Variants in FYB2 observed in about 807,000 individuals in gnomAD.
FYB2 encodes FYN binding protein 2, also known as FYN-binding protein 2.
Under a neutral mutation model 94.1 loss-of-function variants are expected in FYB2, and 103 were observed. The ratio of observed to expected loss-of-function variants is 1.09; its 90% CI spans 0.93 to 1.29. The LOEUF (loss-of-function observed/expected upper bound fraction) is 1.29. Ranked by LOEUF, FYB2 falls within the 50% of genes most tolerant of loss-of-function variation. The probability of loss-of-function intolerance (pLI) is 0.00; values close to 1 mark genes in which losing one functional copy is unlikely to be tolerated. For synonymous variants in FYB2, 293 were observed against 287.9 expected (o/e 1.02, Z -0.18); for missense variants, 896 against 841.5 (o/e 1.06, Z -0.80).
rs770951162 is a variant in FYB2 at position 56,789,120 on chromosome 1, C to T, written c.772G>A (p.Val258Ile). The T allele has an allele frequency of 3.2e-6, 5 of 1,585,608 alleles. No homozygotes were observed. The highest frequency in any genetic ancestry group is 4.3e-6 in the Non-Finnish European group (5 of 1,167,914). Residue 258 changes from valine to isoleucine, a missense_variant, in exon 3 of 20, where the codon GTC becomes ATC. By Grantham distance (29) the Val-to-Ile change is conservative. Coordinates refer to ENST00000343433, the MANE Select transcript of FYB2 (RefSeq NM_001004303.5). The part of the protein sequence containing the change: ...ASQAPEKQPD[V>I]RHHHLPKTKP... ...GTTTTGGGAAGGTGGTGATGCCTGA[C>T]ATCTGGCTGTTTTTCTGAACACAAG...
At chr1:56,779,219 G>C (rs957792770) in intron 4 of FYB2, among the ~76,000 whole-genome samples, 2 of 152,110 alleles carry the variant, frequency 1.3e-5, no homozygotes, top group Non-Finnish European at 2.9e-5. Context: ...CCTGGGAAAA[G>C]TACAACATTT....
chr1:56,738,687 GA>G (rs777420591), intron 13 of FYB2, 34 bp from the exon 14 acceptor site: 6 of 1,601,256 alleles, frequency 3.7e-6, no homozygotes, highest in African/African-American at 1.3e-5. Context: ...AAGAGTTAAG[GA>G]AAAAAACCAT....
chr1:56,791,478 A>G (rs906438086), intron 2 of FYB2, among the ~76,000 whole-genome samples: 1 of 151,766 alleles, frequency 6.6e-6, no homozygotes, highest in Non-Finnish European at 1.5e-5. Flanking sequence ...CTGGTTTTGA[A>G]CTCCTGAACT....
At chr1:56,772,139 G>A (rs1325291900) in intron 4 of FYB2, among the ~76,000 whole-genome samples, 1 of 152,004 alleles carries the variant, frequency 6.6e-6, no homozygotes. Flanking sequence ...ATGCCATAGA[G>A]CTCATGCTTC....
At chr1:56,791,007 G>C (rs560092902) in intron 2 of FYB2, among the ~76,000 whole-genome samples, 25 of 152,178 alleles carry the variant, frequency 1.6e-4, no homozygotes, top group Admixed American at 1.4e-3. Flanking sequence ...CAGAGAGCTC[G>C]GGGAAGACAG....
chr1:56,719,491 A>T lies in FYB2; in HGVS notation c.*180T>A. The T allele has an allele frequency of 1.8e-6, 1 of 562,002 alleles. No individual in the cohort carries two copies. Among genetic ancestry groups the T allele is most frequent in the Non-Finnish European group, 3.1e-6 (1 of 323,982 alleles). The allele number at this position is 562,002 out of a possible 1,614,324, so 34.8% of individuals were successfully genotyped here. A position where few individuals can be genotyped will look rare whatever the true frequency, so the allele number is the denominator to read the frequency against. ...TGAAAGATAACCTTTTAGGAGTAAA[A>T]CCAACATCTAAATGTTGAGGATTTG... On this transcript the variant is annotated 3_prime_UTR_variant, in exon 20 of 20. Transcript: ENST00000343433.
At chr1:56,749,356 T>A (rs1422691932) in intron 9 of FYB2, among the ~76,000 whole-genome samples, 2 of 151,928 alleles carry the variant, frequency 1.3e-5, no homozygotes, top group South Asian at 4.1e-4. Context: ...CACTTTACCT[T>A]CCATGACTTT....
chr1:56,784,933 C>T (rs1212064777), intron 4 of FYB2, among the ~76,000 whole-genome samples: 1 of 152,210 alleles, frequency 6.6e-6, no homozygotes, highest in East Asian at 1.9e-4. Context: ...AGGCCCAGTT[C>T]TTTCATCTCC....
At chr1:56,769,688 A>G (rs1645709386) in intron 4 of FYB2, among the ~76,000 whole-genome samples, 1 of 152,168 alleles carries the variant, frequency 6.6e-6, no homozygotes, top group Non-Finnish European at 1.5e-5. Flanking sequence ...CTACTAAAAA[A>G]ATAGAAATAG....
At chr1:56,739,013 G>A (rs1644891730) in intron 13 of FYB2, among the ~76,000 whole-genome samples, 1 of 152,034 alleles carries the variant, frequency 6.6e-6, no homozygotes, top group Non-Finnish European at 1.5e-5. Context: ...TTCAAAGCAT[G>A]GAGGCATGAG....
In FYB2 at chr1:56,723,204, GACACAC is replaced by G. The variant is rs57903838; in HGVS notation, c.1974+378_1974+383del. ...TCAAGAGATTAATTAAAGATTCACA[GACACAC>G]ACACACACACACACGCACACACACA... On this transcript the variant is annotated intron_variant, in intron 17 of 19. Coordinates refer to ENST00000343433, the MANE Select transcript of FYB2 (RefSeq NM_001004303.5). Among the ~76,000 whole-genome samples the G allele has an allele frequency of 6.3e-3, 941 of 149,404 alleles. 11 individuals carry two copies. Among genetic ancestry groups the G allele is most frequent in the African/African-American group, 0.022 (888 of 40,896 alleles).
chr1:56,789,301 C>T (rs1289310834), intron 2 of FYB2, among the ~76,000 whole-genome samples, 167 bp from the exon 3 acceptor site: 4 of 152,192 alleles, frequency 2.6e-5, no homozygotes, highest in Admixed American at 2.0e-4. Context: ...CATGCTGCTG[C>T]TTTAAGGATT....
chr1:56,792,275 C>A lies in FYB2; in HGVS notation c.538G>T (p.Glu180Ter), dbSNP rs1385353910. ...EGQKGMGLTP[E>*]EPRKKLETKG... ...GTTTCCAGCTTTTTCCTGGGTTCCT[C>A]TGGAGTAAGCCCCATGCCTTTTTGC... The change falls in exon 2 of 20, where the codon GAG becomes TAG. Residue 180 changes from glutamate (E) to a stop codon, truncating the protein, a stop_gained. Coordinates refer to ENST00000343433, the MANE Select transcript of FYB2 (RefSeq NM_001004303.5). LOFTEE classifies it high-confidence loss of function. The A allele has an allele frequency of 6.2e-7, 1 of 1,613,640 alleles. No homozygotes were observed. The highest frequency in any genetic ancestry group is 2.2e-5 in the East Asian group (1 of 44,894).
chr1:56,771,595 G>A (rs1645756071), intron 4 of FYB2, among the ~76,000 whole-genome samples: 1 of 152,192 alleles, frequency 6.6e-6, no homozygotes, highest in Non-Finnish European at 1.5e-5. Flanking sequence ...TATAGATGCA[G>A]TTGAAGGGGA....
At chr1:56,754,452 C>G (rs977175163) in intron 7 of FYB2, among the ~76,000 whole-genome samples, 5 of 152,112 alleles carry the variant, frequency 3.3e-5, no homozygotes, top group Admixed American at 1.3e-4. Flanking sequence ...CATACCTTCT[C>G]TACTCTTCTA....
intron 9 of FYB2, among the ~76,000 whole-genome samples, chr1:56,749,967 T>C (rs1283076751): frequency 6.6e-6 from 1 of 152,058 alleles, no homozygotes; most frequent in Non-Finnish European, 1.5e-5. Context: ...GAGTCATTCA[T>C]ATTGCCTAGT....
chr1:56,735,274 A>C (rs910717589), intron 15 of FYB2, among the ~76,000 whole-genome samples: 2 of 152,166 alleles, frequency 1.3e-5, no homozygotes, highest in Non-Finnish European at 2.9e-5. Flanking sequence ...AGCACTATTC[A>C]GCCATAAAAA....
At chr1:56,805,684 G>A (rs1371105856) in intron 1 of FYB2, among the ~76,000 whole-genome samples, 2 of 152,060 alleles carry the variant, frequency 1.3e-5, no homozygotes, top group Admixed American at 1.3e-4. Context: ...GGTACCCAGT[G>A]GGAGGTAATT....
intron 4 of FYB2, among the ~76,000 whole-genome samples, chr1:56,779,404 C>T (rs761978569): frequency 2.6e-5 from 4 of 152,078 alleles, no homozygotes; most frequent in Non-Finnish European, 4.4e-5. Context: ...TGGAGCTGAA[C>T]GCTAGACCAA....
Sources: allele counts gnomAD v4.1 joint callset (sites outside exome capture counted in the v4.1 genomes callset), GRCh38; gene constraint gnomAD v4.1.1; transcripts MANE v1.5; gene names NCBI Gene and HGNC (gene_info 2026-07-23, HGNC 2026-07-21).